The following PTPRQ variants were observed in gnomAD, a reference collection of about 807,000 sequenced individuals.
The protein encoded by PTPRQ is phosphatidylinositol phosphatase PTPRQ.
A neutral mutation model predicts 246.0 loss-of-function variants in PTPRQ; 199 were observed. That is an observed-to-expected ratio of 0.81 (90% CI 0.72 to 0.91). The LOEUF (loss-of-function observed/expected upper bound fraction) is 0.91. PTPRQ is among the 40% of genes least tolerant of loss of function. PTPRQ has a pLI of 0.00. For synonymous variants in PTPRQ, 869 were observed against 853.2 expected, an observed-to-expected ratio of 1.02 and a Z score of -0.32; for missense variants, 2,624 against 2,528.4, an observed-to-expected ratio of 1.04 and a Z score of -0.81.
chr12:80,648,887 T>G lies in PTPRQ; in HGVS notation c.5916-10T>G. The G allele has an allele frequency of 6.5e-7, 1 of 1,529,544 alleles. No individual in the cohort carries two copies. Among genetic ancestry groups the G allele is most frequent in the South Asian group, 1.3e-5 (1 of 79,100 alleles). 94.7% of individuals were successfully genotyped at this position (1,529,544 alleles called of 1,614,324 possible). On this transcript the variant is annotated splice_polypyrimidine_tract_variant and intron_variant, in intron 35 of 44. Coordinates refer to ENST00000644991, the MANE Select transcript of PTPRQ (RefSeq NM_001145026.2). ...GACTCACAATGCATTTAACACAATC[T>G]CTATTGCAGGTTACTTAGTTATAGA...
At chr12:80,497,139 C>T (rs1411118470) in intron 14 of PTPRQ, among the ~76,000 whole-genome samples, 3 of 151,854 alleles carry the variant, frequency 2.0e-5, no homozygotes, top group Non-Finnish European at 4.4e-5. Flanking sequence ...AAGCACGTTA[C>T]GTTTGTTGTG....
intron 17 of PTPRQ, among the ~76,000 whole-genome samples, chr12:80,511,839 G>C (rs1436051161): frequency 6.6e-6 from 1 of 152,188 alleles, no homozygotes; most frequent in African/African-American, 2.4e-5. Context: ...GTGGGGACAG[G>C]AAATAAAGTT....
At chr12:80,649,054 T>C in intron 36 of PTPRQ, 131 bp downstream of exon 36, 2 of 848,210 alleles carry the variant, frequency 2.4e-6, no homozygotes, top group Non-Finnish European at 3.3e-6. Flanking sequence ...ATATAAATCA[T>C]AAAAGCATGA....
Position 80,478,145 on chromosome 12 carries a change from G to A in PTPRQ, c.1186+5894G>A, listed in dbSNP as rs542565053. On this transcript the variant is annotated intron_variant, in intron 8 of 44. Transcript: ENST00000644991. Reference sequence around the variant, plus strand: ...AAATGTCCCTGTCTGACAGCTTTGAGGAGAGCAGTGGTTCTCCCAGCACGC... The same window carrying A: ...AAATGTCCCTGTCTGACAGCTTTGAAGAGAGCAGTGGTTCTCCCAGCACGC... Among the ~76,000 whole-genome samples the A allele has an allele frequency of 4.0e-5, 6 of 149,602 alleles. No individual in the cohort carries two copies. The East Asian group carries it at 5.8e-4, about 15-fold the overall frequency.
chr12:80,579,656 G>T (rs909023189), intron 25 of PTPRQ, among the ~76,000 whole-genome samples: 2 of 152,148 alleles, frequency 1.3e-5, no homozygotes, highest in African/African-American at 4.8e-5. Flanking sequence ...ATTCAAGCTA[G>T]TGCAAAATTT....
At chr12:80,653,346 T>A (rs540357632) in intron 38 of PTPRQ, among the ~76,000 whole-genome samples, 1 of 152,158 alleles carries the variant, frequency 6.6e-6, no homozygotes, top group Non-Finnish European at 1.5e-5. Context: ...CATTTTTCAA[T>A]CAATAAGAAA....
chr12:80,506,544 AC>A, intron 15 of PTPRQ, 24 bp from the exon 16 acceptor site: 1 of 1,467,142 alleles, frequency 6.8e-7, no homozygotes, highest in Non-Finnish European at 9.2e-7. Flanking sequence ...GTAAGTTTCA[AC>A]TTACCTATTT....
chr12:80,569,038 T>C (rs927282336), intron 25 of PTPRQ, among the ~76,000 whole-genome samples: 15 of 152,140 alleles, frequency 9.9e-5, no homozygotes, highest in African/African-American at 3.4e-4. Flanking sequence ...TAGGGAAGTT[T>C]CTGTTCAAGT....
chr12:80,639,946 T>C (rs1424522828), intron 35 of PTPRQ, among the ~76,000 whole-genome samples: 1 of 152,138 alleles, frequency 6.6e-6, no homozygotes, highest in Non-Finnish European at 1.5e-5. Context: ...CAGGTTTATG[T>C]AAATGTCTAA....
At chr12:80,505,391 G>C (rs1441320569) in intron 14 of PTPRQ, among the ~76,000 whole-genome samples, 1 of 151,808 alleles carries the variant, frequency 6.6e-6, no homozygotes, top group Non-Finnish European at 1.5e-5. Flanking sequence ...TATTCACTCA[G>C]TTTAGGGTAT....
At chr12:80,619,601 A>G (rs1466407505) in intron 31 of PTPRQ, 59 bp downstream of exon 31, 2 of 1,319,380 alleles carry the variant, frequency 1.5e-6, no homozygotes, top group African/African-American at 1.5e-5. Context: ...CTGAGTGCTA[A>G]AAAGAATTTA....
chr12:80,611,694 A>G (rs1898557783), intron 28 of PTPRQ, among the ~76,000 whole-genome samples: 1 of 150,462 alleles, frequency 6.6e-6, no homozygotes, highest in Non-Finnish European at 1.5e-5. Flanking sequence ...CTCTAAGAGT[A>G]GAATTTTATG....
intron 3 of PTPRQ, among the ~76,000 whole-genome samples, chr12:80,448,752 T>A (rs12305917): frequency 0.094 from 13,589 of 144,682 alleles, 1,093 homozygotes; most frequent in African/African-American, 0.22. Flanking sequence ...TATGTGCCAC[T>A]TTTTCTTAAT....
rs1300930134 is a variant in PTPRQ, at chr12:80,670,410, A to G, written c.6520A>G (p.Asn2174Asp). Residue 2174 changes from asparagine (N) to aspartate (D), a missense_variant, in exon 42 of 45, where the codon AAC becomes GAC. Physicochemically the swap from Asn to Asp is conservative, Grantham distance 23. Coordinates refer to ENST00000644991, the MANE Select transcript of PTPRQ (RefSeq NM_001145026.2). ...CTGGCCAGAGCATGGGGTTCCTGAG[A>G]ACAGCGCCCCTCTAATTCACTTTGT... ...TAWPEHGVPE[N>D]SAPLIHFVKL... The G allele has an allele frequency of 1.3e-6, 2 of 1,551,048 alleles. No individual in the cohort carries two copies. Among genetic ancestry groups the G allele is most frequent in the Non-Finnish European group, 1.7e-6 (2 of 1,146,646 alleles).
intron 18 of PTPRQ, 150 bp downstream of exon 18, chr12:80,534,325 G>T: frequency 1.1e-6 from 1 of 874,136 alleles, no homozygotes; most frequent in East Asian, 3.0e-5. Flanking sequence ...TCACTTTTTA[G>T]CTGTGTGATG....
chr12:80,523,218 AGC>A (rs1337934983), intron 17 of PTPRQ, among the ~76,000 whole-genome samples: 2 of 152,072 alleles, frequency 1.3e-5, no homozygotes, highest in Non-Finnish European at 2.9e-5. Flanking sequence ...TATCCCCTTT[AGC>A]ATTTTTTATT....
intron 19 of PTPRQ, 41 bp from the exon 20 acceptor site, chr12:80,539,735 A>G (rs549135887): frequency 1.4e-6 from 2 of 1,479,678 alleles, no homozygotes; most frequent in South Asian, 2.8e-5. Context: ...CATGCATACT[A>G]AAAAAATACA....
chr12:80,560,879 T>C (rs1481248541), intron 25 of PTPRQ: 1 of 152,810 alleles, frequency 6.5e-6, no homozygotes, highest in African/African-American at 2.4e-5. Flanking sequence ...TATGTAAAAA[T>C]GGACCTATGG....
chr12:80,511,212 C>A (rs936141920), intron 17 of PTPRQ, among the ~76,000 whole-genome samples: 5 of 150,360 alleles, frequency 3.3e-5, no homozygotes, highest in Non-Finnish European at 5.9e-5. Context: ...TTAAAGAAGT[C>A]TCCTCTTCTT....
Sources: gnomAD v4.1 joint callset for allele counts (sites outside exome capture counted in the v4.1 genomes callset) on GRCh38, gnomAD v4.1.1 for gene constraint, MANE v1.5 for transcripts, NCBI Gene and HGNC (gene_info 2026-07-23, HGNC 2026-07-21) for gene names.